Variants in MTMR14 observed in about 807,000 individuals in gnomAD.
The protein encoded by MTMR14 is myotubularin related protein 14.
Under a neutral mutation model 86.3 loss-of-function variants are expected in MTMR14, and 48 were observed. That is an observed-to-expected ratio of 0.56 (90% CI 0.44 to 0.71). MTMR14 has a LOEUF of 0.71. Ranked by LOEUF, MTMR14 falls within the 30% of genes least tolerant of loss-of-function variation. MTMR14 has a pLI of 0.00. For missense variants in MTMR14, 780 were observed against 834.6 expected, an observed-to-expected ratio of 0.93 and a Z score of 0.81; for synonymous variants, 366 against 326.1, an observed-to-expected ratio of 1.12 and a Z score of -1.32.
chr3:9,697,970 G>GCCTGGCCT lies in MTMR14; in HGVS notation c.1769+109_1769+116dup. The GCCTGGCCT allele has an allele frequency of 2.6e-6, 4 of 1,522,394 alleles. No individual in the cohort carries two copies. In the South Asian group the frequency reaches 4.5e-5, roughly 17 times the overall value. The allele number at this position is 1,522,394 out of a possible 1,614,324, so 94.3% of individuals were successfully genotyped here. On this transcript the variant is annotated intron_variant, in intron 18 of 18. Coordinates refer to ENST00000296003, the MANE Select transcript of MTMR14 (RefSeq NM_001077525.3). ...GAATGAGGCTGGCGCTCAGGAGCTG[G>GCCTGGCCT]CCTGGCCTCCTGCCCTCCCCTCTCT... is the stretch of plus-strand genomic sequence containing the variant.
chr3:9,681,865 G>T (rs2075779660), intron 9 of MTMR14, among the ~76,000 whole-genome samples: 1 of 152,116 alleles, frequency 6.6e-6, no homozygotes, highest in Non-Finnish European at 1.5e-5. Context: ...CCCTCTACCA[G>T]CCCAGCCCTC....
intron 6 of MTMR14, 69 bp downstream of exon 6, chr3:9,671,239 A>G (rs1432448444): frequency 2.2e-5 from 35 of 1,608,446 alleles, no homozygotes; most frequent in Non-Finnish European, 2.9e-5. Context: ...TGGCGTTAGT[A>G]TGTAGCTGTC....
rs554273035 is a variant in MTMR14, at chr3:9,688,853, T to G, written c.1295-91T>G. The G allele has an allele frequency of 3.1e-6, 5 of 1,611,384 alleles. No homozygotes were observed. The South Asian group carries it at 4.4e-5, about 14-fold the overall frequency. The stretch of plus-strand genomic sequence containing the variant: ...GTGCTAAGAGGTTTTTTGTTTTTTT[T>G]TTTTTCTTCCCAGTTATGTGGTATA... On this transcript the variant is annotated intron_variant, in intron 15 of 18. Coordinates refer to ENST00000296003, the MANE Select transcript of MTMR14 (RefSeq NM_001077525.3).
At chr3:9,652,327 A>G (rs958847437) in intron 1 of MTMR14, among the ~76,000 whole-genome samples, 1 of 152,118 alleles carries the variant, frequency 6.6e-6, no homozygotes, top group African/African-American at 2.4e-5. Flanking sequence ...TTTTTCTCTG[A>G]ACTGTGATCA....
chr3:9,689,169 A>C, intron 16 of MTMR14, 87 bp downstream of exon 16: 1 of 1,576,136 alleles, frequency 6.3e-7, no homozygotes, highest in African/African-American at 1.3e-5. Flanking sequence ...CCCCAAGAAC[A>C]AAGCAGGCCC....
intron 1 of MTMR14, among the ~76,000 whole-genome samples, chr3:9,652,371 A>G (rs959991561): frequency 3.3e-5 from 5 of 152,144 alleles, no homozygotes; most frequent in African/African-American, 1.2e-4. Context: ...TGTTTCTTCT[A>G]TTTCACCAGC....
In MTMR14 at chr3:9,685,264, C is replaced by T. The variant is rs200156102; in HGVS notation, c.1164+17C>T. ...GGGGAGGAGGTGAGTATACCACCTA[C>T]GACTTGTGGGCACAGCTCAGCACTG... On this transcript the variant is annotated intron_variant, in intron 13 of 18. Transcript: ENST00000296003. The T allele has an allele frequency of 3.8e-4, 615 of 1,613,774 alleles. 2 individuals are homozygous for T. The highest frequency in any genetic ancestry group is 1.4e-3 in the South Asian group (127 of 91,066).
intron 1 of MTMR14, 99 bp downstream of exon 1, chr3:9,649,841 C>T (rs1360454810): frequency 1.9e-6 from 3 of 1,562,258 alleles, no homozygotes; most frequent in Non-Finnish European, 2.6e-6. Flanking sequence ...GGAGTGGTAC[C>T]TCGCCGCTGA....
chr3:9,665,927 C>T (rs1043887331), intron 3 of MTMR14, among the ~76,000 whole-genome samples: 3 of 151,680 alleles, frequency 2.0e-5, no homozygotes, highest in Admixed American at 6.6e-5. Context: ...CAGGATTTCA[C>T]GGTGTTAGCC....
chr3:9,701,904 C>T lies in MTMR14; in HGVS notation c.1884C>T (p.Ala628=). ...LRAVAPSPSG[A]IGGLLEQFAR... The stretch of plus-strand genomic sequence containing the variant: ...CAGTAGCCCCCAGTCCTTCCGGTGC[C>T]ATCGGGGGCCTGCTGGAGCAATTTG... Residue 628 remains alanine (A), a synonymous_variant, in exon 19 of 19, where the codon GCC becomes GCT. Transcript: ENST00000296003. The surrounding 1 kb of genome is among the most constrained non-coding windows in gnomAD (Gnocchi z 4.2). 1 of 1,614,204 alleles carries T rather than the reference C, an allele frequency of 6.2e-7. No individual in the cohort carries two copies. Among genetic ancestry groups the T allele is most frequent in the Admixed American group, 1.7e-5 (1 of 60,034 alleles).
At chr3:9,700,881 C>T (rs907329831) in intron 18 of MTMR14, 4 of 150,468 alleles carry the variant, frequency 2.7e-5, no homozygotes, top group African/African-American at 9.8e-5. Flanking sequence ...TGCAGTGGTG[C>T]AGTCTGGCTC....
chr3:9,667,960 C>T (rs1031099249), intron 3 of MTMR14, among the ~76,000 whole-genome samples: 1 of 152,192 alleles, frequency 6.6e-6, no homozygotes, highest in Non-Finnish European at 1.5e-5. Flanking sequence ...TCATGTTCTC[C>T]TAGCCTTTAG....
chr3:9,683,080 A>T, intron 9 of MTMR14, 98 bp from the exon 10 acceptor site: 1 of 1,078,688 alleles, frequency 9.3e-7, no homozygotes, highest in Admixed American at 2.0e-5. Flanking sequence ...GACCTTGTGT[A>T]GTTGTTGCCC....
At chr3:9,692,330 G>A (rs1423436966) in intron 17 of MTMR14, among the ~76,000 whole-genome samples, 1 of 152,244 alleles carries the variant, frequency 6.6e-6, no homozygotes, top group African/African-American at 2.4e-5. Flanking sequence ...TATGAATCAG[G>A]TTGGGAAGAA....
chr3:9,689,653 A>AC (rs1392928788), intron 16 of MTMR14, among the ~76,000 whole-genome samples: 1 of 152,052 alleles, frequency 6.6e-6, no homozygotes, highest in South Asian at 2.1e-4. Context: ...GCATAATGAG[A>AC]CCCCGTCTTT....
At chr3:9,685,167 A>T in intron 12 of MTMR14, 44 bp from the exon 13 acceptor site, 6 of 1,613,832 alleles carry the variant, frequency 3.7e-6, no homozygotes, top group Non-Finnish European at 5.1e-6. Context: ...TGGCCTTGTC[A>T]TCTTGGTGCT....
At chr3:9,688,358 A>G (rs1218370717) in intron 14 of MTMR14, among the ~76,000 whole-genome samples, 1 of 152,224 alleles carries the variant, frequency 6.6e-6, no homozygotes, top group Admixed American at 6.5e-5. Flanking sequence ...CAACTGCCTT[A>G]GGACCCCTGT....
chr3:9,684,267 C>CGT (rs1369331576), intron 10 of MTMR14, among the ~76,000 whole-genome samples: 2 of 152,164 alleles, frequency 1.3e-5, no homozygotes, highest in African/African-American at 4.8e-5. Context: ...AAATACTTGT[C>CGT]GTGCCCTCTG....
Position 9,702,212 on chromosome 3 carries a change from T to G in MTMR14, c.*239T>G. ...CACTGTCTCCCACCCACCCCATCTTTGCTGGGATTCCCATCAACTCTCAGA... is the reference window on the plus strand; with the variant it reads ...CACTGTCTCCCACCCACCCCATCTTGGCTGGGATTCCCATCAACTCTCAGA... On this transcript the variant is annotated 3_prime_UTR_variant, in exon 19 of 19. Transcript: ENST00000296003. 1.7e-6 allele frequency: 1 copy of G among 579,036 alleles called. No homozygotes were observed. Among genetic ancestry groups the G allele is most frequent in the Non-Finnish European group, 3.1e-6 (1 of 322,096 alleles). 35.9% of individuals were successfully genotyped at this position (579,036 alleles called of 1,614,324 possible). A position where few individuals can be genotyped will look rare whatever the true frequency, so the allele number is the denominator to read the frequency against.
Sources: allele counts gnomAD v4.1 joint callset (sites outside exome capture counted in the v4.1 genomes callset), GRCh38; gene constraint gnomAD v4.1.1; non-coding constraint Gnocchi (gnomAD v3.1); transcripts MANE v1.5; gene names NCBI Gene and HGNC (gene_info 2026-07-23, HGNC 2026-07-21).